CDH4: variants seen among roughly 807,000 people sequenced by gnomAD.
The protein encoded by CDH4 is cadherin-4.
In CDH4, 33 loss-of-function variants were observed where a neutral mutation model predicts 86.0. That is an observed-to-expected ratio of 0.38 (90% CI 0.29 to 0.51). CDH4 has a LOEUF of 0.51. Ranked by LOEUF, CDH4 falls within the 20% of genes least tolerant of loss-of-function variation. The probability of loss-of-function intolerance (pLI) is 0.86; values close to 1 mark genes in which losing one functional copy is unlikely to be tolerated. For missense variants in CDH4, 1,114 were observed against 1,307.4 expected (o/e 0.85, Z 2.28); for synonymous variants, 555 against 549.4 (o/e 1.01, Z -0.14).
chr20:61,496,401 CAA>C lies in CDH4; in HGVS notation c.169+241477_169+241478del, dbSNP rs71944747. ...TGGGCAACAGAGCAATACCCTGTCT[CAA>C]AAAAAAAAAAAATCTAAAATTCACA... On this transcript the variant is annotated intron_variant, in intron 2 of 15. Transcript: ENST00000614565. Among the ~76,000 whole-genome samples the C allele has an allele frequency of 1.6e-3, 234 of 145,586 alleles. 3 individuals carry two copies. The highest frequency in any genetic ancestry group is 2.1e-3 in the Non-Finnish European group (139 of 66,438).
intron 5 of CDH4, among the ~76,000 whole-genome samples, chr20:61,848,523 T>TTGTA (rs1982566088): frequency 6.6e-6 from 1 of 151,386 alleles, no homozygotes; most frequent in Admixed American, 6.6e-5. Context: ...TTTTATTGTA[T>TTGTA]TGTATTGTAT....
chr20:61,815,313 C>T (rs1341717500), intron 4 of CDH4, among the ~76,000 whole-genome samples: 4 of 152,178 alleles, frequency 2.6e-5, no homozygotes, highest in African/African-American at 9.7e-5. Flanking sequence ...GTGGGGCTAC[C>T]TGTCATGAGT....
chr20:61,816,006 G>A (rs771495960), intron 4 of CDH4, among the ~76,000 whole-genome samples: 19 of 152,170 alleles, frequency 1.2e-4, no homozygotes, highest in Non-Finnish European at 2.2e-4. Context: ...GCTTAAAGTC[G>A]CATAAACCCA....
intron 2 of CDH4, among the ~76,000 whole-genome samples, chr20:61,624,771 T>G (rs1288088970): frequency 6.6e-6 from 1 of 152,232 alleles, no homozygotes; most frequent in Non-Finnish European, 1.5e-5. Flanking sequence ...CAGGGCATGT[T>G]TGCAGAAGGA....
At chr20:61,822,650 C>T (rs568818629) in intron 4 of CDH4, among the ~76,000 whole-genome samples, 14 of 152,318 alleles carry the variant, frequency 9.2e-5, no homozygotes, top group East Asian at 1.9e-4. Context: ...GCACCCCCGA[C>T]GCCCCTGCTT....
At chr20:61,859,866 C>T (rs1213256316) in intron 6 of CDH4, among the ~76,000 whole-genome samples, 1 of 152,262 alleles carries the variant, frequency 6.6e-6, no homozygotes, top group African/African-American at 2.4e-5. Context: ...TGTCCCTCCA[C>T]CAGGGTGGGA....
intron 2 of CDH4, among the ~76,000 whole-genome samples, chr20:61,674,997 C>A (rs1282202416): frequency 2.0e-5 from 3 of 152,272 alleles, no homozygotes; most frequent in African/African-American, 7.2e-5. Context: ...GTGGCCCACC[C>A]ACCCACAATA....
intron 2 of CDH4, among the ~76,000 whole-genome samples, chr20:61,674,811 C>T (rs2087428918): frequency 6.6e-6 from 1 of 152,214 alleles, no homozygotes; most frequent in Non-Finnish European, 1.5e-5. Context: ...ACCAGCACAG[C>T]CCTAGAACCT....
chr20:61,478,944 T>G (rs1360209197), intron 2 of CDH4, among the ~76,000 whole-genome samples: 1 of 151,844 alleles, frequency 6.6e-6, no homozygotes, highest in Non-Finnish European at 1.5e-5. Flanking sequence ...AGAAACTTTC[T>G]TTTGCCATTT....
intron 2 of CDH4, among the ~76,000 whole-genome samples, chr20:61,342,599 G>T (rs1377212814): frequency 1.3e-5 from 2 of 152,226 alleles, no homozygotes; most frequent in Non-Finnish European, 1.5e-5. Context: ...GCACTCACCT[G>T]CTGCTCACCT....
At chr20:61,494,883 A>T (rs982017576) in intron 2 of CDH4, among the ~76,000 whole-genome samples, 2 of 152,256 alleles carry the variant, frequency 1.3e-5, no homozygotes, top group African/African-American at 4.8e-5. Flanking sequence ...TATTGTGATC[A>T]GCTGCAAATG....
intron 3 of CDH4, among the ~76,000 whole-genome samples, chr20:61,760,877 G>A (rs57050004): frequency 1.1e-4 from 16 of 152,286 alleles, no homozygotes; most frequent in Admixed American, 2.6e-4. Flanking sequence ...GTGCCTTTTC[G>A]GAATGAAACT....
rs546972260 is a variant in CDH4, at chr20:61,663,654, G to A, written c.170-79909G>A. Among the ~76,000 whole-genome samples the A allele has an allele frequency of 1.3e-5, 2 of 152,220 alleles. No homozygotes were observed. The highest frequency in any genetic ancestry group is 4.2e-4 in the South Asian group (2 of 4,816). ...CATCTTGGCTGCCCAGGGGAAGCGG[G>A]GACTCGAGGAGAGCAGGGAGTGCTG... On this transcript the variant is annotated intron_variant, in intron 2 of 15. Transcript: ENST00000614565. The surrounding 1 kb of genome is among the most constrained non-coding windows in gnomAD (Gnocchi z 5.0).
chr20:61,623,598 T>C lies in CDH4; in HGVS notation c.170-119965T>C, dbSNP rs1444763473. Among the ~76,000 whole-genome samples, 5 of 152,156 alleles carry C rather than the reference T, an allele frequency of 3.3e-5. No homozygotes were observed. The highest frequency in any genetic ancestry group is 1.2e-4 in the African/African-American group (5 of 41,434). On this transcript the variant is annotated intron_variant, in intron 2 of 15. Transcript: ENST00000614565. The surrounding 1 kb of genome is among the most constrained non-coding windows in gnomAD (Gnocchi z 4.4). Reference sequence around the variant, plus strand: ...CTAGACCCAGCGGCCGTGTTGTCTTTCCTCTACATGAGCATCATTCGTGCA... The same window carrying C: ...CTAGACCCAGCGGCCGTGTTGTCTTCCCTCTACATGAGCATCATTCGTGCA...
chr20:61,859,195 G>C lies in CDH4; in HGVS notation c.877+6297G>C, dbSNP rs562449543. Reference sequence around the variant, plus strand: ...TTTTCCTGTGTTTATTGGCATCTGCGTGTCCTCTTCAAGGAAACGACTCTT... The same window carrying C: ...TTTTCCTGTGTTTATTGGCATCTGCCTGTCCTCTTCAAGGAAACGACTCTT... On this transcript the variant is annotated intron_variant, in intron 6 of 15. Transcript: ENST00000614565. Among the ~76,000 whole-genome samples, 44 of 152,232 alleles carry C rather than the reference G, an allele frequency of 2.9e-4. 1 individual carries two copies. The highest frequency in any genetic ancestry group is 8.9e-4 in the African/African-American group (37 of 41,522).
At chr20:61,622,931 G>A (rs996654618) in intron 2 of CDH4, among the ~76,000 whole-genome samples, 28 of 152,186 alleles carry the variant, frequency 1.8e-4, no homozygotes, top group African/African-American at 6.8e-4. Context: ...TCGCAGTCAT[G>A]GGTGCTCACT....
At chr20:61,528,825 G>C (rs1344864119) in intron 2 of CDH4, among the ~76,000 whole-genome samples, 1 of 151,546 alleles carries the variant, frequency 6.6e-6, no homozygotes, top group African/African-American at 2.4e-5. Flanking sequence ...GGCCGTCCTT[G>C]GAAGGGGAAC....
intron 11 of CDH4, among the ~76,000 whole-genome samples, chr20:61,926,224 A>G (rs1204302092): frequency 6.6e-6 from 1 of 152,204 alleles, no homozygotes; most frequent in Non-Finnish European, 1.5e-5. Flanking sequence ...AGAGCTGTGG[A>G]ACCAGAGGAG....
At chr20:61,862,622 A>G (rs1983378427) in intron 6 of CDH4, among the ~76,000 whole-genome samples, 1 of 152,008 alleles carries the variant, frequency 6.6e-6, no homozygotes, top group Non-Finnish European at 1.5e-5. Flanking sequence ...ACTGTTTTCC[A>G]CCGCTGTCCC....
Sources: gnomAD v4.1 joint callset for allele counts (sites outside exome capture counted in the v4.1 genomes callset) on GRCh38, gnomAD v4.1.1 for gene constraint, Gnocchi (gnomAD v3.1) non-coding constraint, MANE v1.5 for transcripts, NCBI Gene and HGNC (gene_info 2026-07-23, HGNC 2026-07-21) for gene names.